WDPCP: variants seen among roughly 807,000 people sequenced by gnomAD.
WDPCP encodes WD repeat-containing and planar cell polarity effector protein fritz homolog.
In WDPCP, 71 loss-of-function variants were observed where a neutral mutation model predicts 93.1. The observed-to-expected ratio is 0.76, with a 90% confidence interval of 0.63 to 0.93. The LOEUF (loss-of-function observed/expected upper bound fraction) is 0.93, where lower values mean the gene tolerates loss of function less well. Among genes scored for constraint, WDPCP ranks in the 40% least tolerant of loss-of-function variants. WDPCP has a pLI of 0.00. For missense variants in WDPCP, 844 were observed against 887.4 expected (o/e 0.95, Z 0.62); for synonymous variants, 315 against 315.0 (o/e 1.00, Z 0.00).
Position 63,463,896 on chromosome 2 carries a change from C to T in WDPCP, c.384+20708G>A, listed in dbSNP as rs547948504. Among the ~76,000 whole-genome samples, 14 of 152,154 alleles carry T rather than the reference C, an allele frequency of 9.2e-5. No individual in the cohort carries two copies. The South Asian group carries it at 1.5e-3, about 16-fold the overall frequency. On this transcript the variant is annotated intron_variant, in intron 6 of 17. Transcript: ENST00000272321. Reference sequence around the variant, plus strand: ...AGAACCCTGGAAAAGCAAAGTATCACGGACCCAATCTATAAAACTTCCAGA... The same window carrying T: ...AGAACCCTGGAAAAGCAAAGTATCATGGACCCAATCTATAAAACTTCCAGA...
intron 14 of WDPCP, among the ~76,000 whole-genome samples, chr2:63,189,079 G>C (rs1195406008): frequency 6.6e-6 from 1 of 152,042 alleles, no homozygotes; most frequent in African/African-American, 2.4e-5. Context: ...CTGTGTCTTC[G>C]CGGGAGCCGT....
chr2:63,259,277 A>C, intron 14 of WDPCP, 30 bp downstream of exon 14: 1 of 1,552,326 alleles, frequency 6.4e-7, no homozygotes, highest in South Asian at 1.1e-5. Flanking sequence ...ATTAAAATAA[A>C]AAGCACTTAA....
At chr2:63,242,734 A>T (rs12988001) in intron 14 of WDPCP, among the ~76,000 whole-genome samples, 4 of 152,068 alleles carry the variant, frequency 2.6e-5, no homozygotes, top group African/African-American at 9.7e-5. Flanking sequence ...GTGCATAATC[A>T]CCCCAGACTT....
In WDPCP at chr2:63,552,285, GT is replaced by G. The variant is rs550365835; in HGVS notation, c.75+35911del. On this transcript the variant is annotated intron_variant, in intron 1 of 17. Transcript: ENST00000272321. Reference sequence around the variant, plus strand: ...TTCTCTATTCTTTCTCTTTTATGTTGTTTATTCCAGTTATTCCCAGAGATAT... The same window carrying G: ...TTCTCTATTCTTTCTCTTTTATGTTGTTATTCCAGTTATTCCCAGAGATAT... Among the ~76,000 whole-genome samples, 1,427 of 151,108 alleles carry G rather than the reference GT, an allele frequency of 9.4e-3. 10 individuals carry two copies. The highest frequency in any genetic ancestry group is 0.014 in the Non-Finnish European group (949 of 67,840).
chr2:63,609,224 G>A (rs1709588718), intron 3 of WDPCP, among the ~76,000 whole-genome samples: 1 of 152,124 alleles, frequency 6.6e-6, no homozygotes, highest in Non-Finnish European at 1.5e-5. Context: ...AAAATTAGTC[G>A]GGCATGGTGG....
chr2:63,717,942 A>T (rs1276665830), intron 2 of WDPCP: 1 of 152,322 alleles, frequency 6.6e-6, no homozygotes, highest in Non-Finnish European at 1.5e-5. Context: ...GACTACCAGA[A>T]AGTAAGAAAG....
At chr2:63,756,427 T>C (rs1457145850) in intron 2 of WDPCP, among the ~76,000 whole-genome samples, 1 of 152,186 alleles carries the variant, frequency 6.6e-6, no homozygotes, top group Admixed American at 6.5e-5. Flanking sequence ...GGCAAAATTC[T>C]TGTCAATGAT....
At chr2:63,606,785 A>ATAAG in intron 3 of WDPCP, 1 of 1,123,690 alleles carries the variant, frequency 8.9e-7, no homozygotes, top group South Asian at 1.9e-5. Context: ...ACCTCTAAAT[A>ATAAG]TAAGTTCAAA....
intron 14 of WDPCP, among the ~76,000 whole-genome samples, chr2:63,258,747 A>G (rs907049394): frequency 6.6e-6 from 1 of 152,172 alleles, no homozygotes; most frequent in African/African-American, 2.4e-5. Context: ...TTGATATTAC[A>G]GTAATTTTTA....
At chr2:63,142,817 GGTGTGTGTGTGT>G (rs143419326) in intron 17 of WDPCP, among the ~76,000 whole-genome samples, 6 of 146,386 alleles carry the variant, frequency 4.1e-5, no homozygotes, top group Admixed American at 1.4e-4. Flanking sequence ...CAGTGTTAGG[GGTGTGTGTGTGT>G]GTGTGTGTGT....
chr2:63,776,143 A>G (rs1670299984), intron 2 of WDPCP, among the ~76,000 whole-genome samples: 1 of 152,068 alleles, frequency 6.6e-6, no homozygotes, highest in African/African-American at 2.4e-5. Context: ...AAATGAAACA[A>G]CTGATAAACT....
intron 14 of WDPCP, among the ~76,000 whole-genome samples, chr2:63,205,668 G>A (rs1676284686): frequency 6.6e-6 from 1 of 152,080 alleles, no homozygotes; most frequent in African/African-American, 2.4e-5. Flanking sequence ...ATTTTTGTAG[G>A]TTGATTTTGT....
intron 3 of WDPCP, among the ~76,000 whole-genome samples, chr2:63,636,763 A>G (rs924638394): frequency 1.3e-5 from 2 of 152,192 alleles, no homozygotes; most frequent in Non-Finnish European, 1.5e-5. Context: ...CCCAGAAATA[A>G]ACCCACACAT....
chr2:63,634,505 A>G (rs1465712008), intron 3 of WDPCP, among the ~76,000 whole-genome samples: 1 of 152,222 alleles, frequency 6.6e-6, no homozygotes, highest in African/African-American at 2.4e-5. Context: ...TTGAACTACA[A>G]TTTAGATCAA....
chr2:63,387,402 A>C (rs985855875), intron 10 of WDPCP, among the ~76,000 whole-genome samples: 2 of 152,136 alleles, frequency 1.3e-5, no homozygotes, highest in Admixed American at 6.6e-5. Flanking sequence ...CTCAATAGAC[A>C]CAGAAAAGGC....
At chr2:63,624,479 TA>T (rs1222995749) in intron 3 of WDPCP, among the ~76,000 whole-genome samples, 1 of 151,444 alleles carries the variant, frequency 6.6e-6, no homozygotes, top group South Asian at 2.1e-4. Flanking sequence ...ATAGACACAA[TA>T]AAAAAAGATA....
At chr2:63,782,476 A>C (rs958707736) in intron 2 of WDPCP, among the ~76,000 whole-genome samples, 8 of 152,200 alleles carry the variant, frequency 5.3e-5, no homozygotes, top group Non-Finnish European at 1.2e-4. Context: ...AAACAACTCA[A>C]CTAAAAACTG....
At chr2:63,542,174 G>A (rs12470478) in intron 1 of WDPCP, among the ~76,000 whole-genome samples, 28,482 of 152,044 alleles carry the variant, frequency 0.19, 3,378 homozygotes, top group Non-Finnish European at 0.24. Context: ...GAGACTATAT[G>A]TATTACCTAA....
At chr2:63,353,938 C>A (rs1689818908) in intron 12 of WDPCP, among the ~76,000 whole-genome samples, 1 of 152,126 alleles carries the variant, frequency 6.6e-6, no homozygotes, top group Non-Finnish European at 1.5e-5. Flanking sequence ...CTGGGCAGGT[C>A]CTCCAGGTCT....
Sources: gnomAD v4.1 joint callset for allele counts (sites outside exome capture counted in the v4.1 genomes callset) on GRCh38, gnomAD v4.1.1 for gene constraint, MANE v1.5 for transcripts, NCBI Gene and HGNC (gene_info 2026-07-23, HGNC 2026-07-21) for gene names.